RARB: variants seen among roughly 807,000 people sequenced by gnomAD.
The protein encoded by RARB is retinoic acid receptor beta, also known as HBV-activated protein.
Under a neutral mutation model 51.9 loss-of-function variants are expected in RARB, and 17 were observed. The ratio of observed to expected loss-of-function variants is 0.33; its 90% CI spans 0.22 to 0.49. The LOEUF is 0.49. RARB is among the 20% of genes least tolerant of loss of function. The pLI is 0.99. For missense variants in RARB, 369 were observed against 550.8 expected (o/e 0.67, Z 3.30); for synonymous variants, 215 against 195.4 (o/e 1.10, Z -0.84).
At chr3:25,574,613 A>G (rs1042943228) in intron 4 of RARB, among the ~76,000 whole-genome samples, 6 of 152,048 alleles carry the variant, frequency 3.9e-5, no homozygotes, top group Non-Finnish European at 8.8e-5. Flanking sequence ...GCCGCTCATC[A>G]CCAGGTGGGG....
chr3:25,043,009 G>T (rs946256203), intron 2 of RARB, among the ~76,000 whole-genome samples: 1 of 152,198 alleles, frequency 6.6e-6, no homozygotes, highest in African/African-American at 2.4e-5. Flanking sequence ...GAAAGCATAA[G>T]AGCAGTTTTG....
At chr3:25,274,915 G>A (rs13084608) in intron 5 of RARB, among the ~76,000 whole-genome samples, 16,187 of 152,182 alleles carry the variant, frequency 0.11, 1,032 homozygotes, top group South Asian at 0.25. Context: ...CAATGGGGTA[G>A]GGAAATATCC....
At chr3:24,849,998 G>A (rs983292807) in intron 1 of RARB, among the ~76,000 whole-genome samples, 7 of 152,112 alleles carry the variant, frequency 4.6e-5, no homozygotes, top group Admixed American at 1.3e-4. Context: ...GACATTTCTC[G>A]CAGTTCTGAA....
At chr3:24,963,703 G>A (rs1234566840) in intron 2 of RARB, among the ~76,000 whole-genome samples, 2 of 151,784 alleles carry the variant, frequency 1.3e-5, no homozygotes, top group African/African-American at 4.8e-5. Flanking sequence ...AGTGTGGGCC[G>A]AGCATCTCTG....
chr3:25,079,380 C>A (rs1459318620), intron 3 of RARB, among the ~76,000 whole-genome samples: 1 of 152,066 alleles, frequency 6.6e-6, no homozygotes, highest in African/African-American at 2.4e-5. Flanking sequence ...CCTCATTGTG[C>A]CAGACAGAAC....
chr3:25,118,603 A>C (rs868130177), intron 3 of RARB, among the ~76,000 whole-genome samples: 1 of 152,178 alleles, frequency 6.6e-6, no homozygotes, highest in South Asian at 2.1e-4. Flanking sequence ...TGAGAAGTAC[A>C]TGGAGGATAG....
chr3:25,264,982 T>C (rs987988586), intron 5 of RARB, among the ~76,000 whole-genome samples: 6 of 152,306 alleles, frequency 3.9e-5, no homozygotes, highest in African/African-American at 1.4e-4. Flanking sequence ...GTCACACAGA[T>C]AAAGCTCTCA....
chr3:25,265,279 A>G (rs73045999), intron 5 of RARB, among the ~76,000 whole-genome samples: 16,310 of 152,268 alleles, frequency 0.11, 1,125 homozygotes, highest in Non-Finnish European at 0.16. Flanking sequence ...AATTATTTTC[A>G]TGGAATGAGT....
intron 3 of RARB, among the ~76,000 whole-genome samples, chr3:25,068,789 C>G (rs1160291394): frequency 6.6e-6 from 1 of 152,104 alleles, no homozygotes; most frequent in African/African-American, 2.4e-5. Flanking sequence ...TGGCGGCCCT[C>G]CTTTCCCTCC....
At chr3:24,878,859 T>A (rs1489248849) in intron 2 of RARB, among the ~76,000 whole-genome samples, 1 of 152,208 alleles carries the variant, frequency 6.6e-6, no homozygotes. Flanking sequence ...TACTGTCTCC[T>A]GCCTATAGAT....
At chr3:25,450,653 G>T (rs145147169) in intron 1 of RARB, among the ~76,000 whole-genome samples, 2 of 152,156 alleles carry the variant, frequency 1.3e-5, no homozygotes, top group African/African-American at 4.8e-5. Flanking sequence ...GGAGGGGCCT[G>T]TCCTGGGCAT....
upstream of RARB, among the ~76,000 whole-genome samples, chr3:25,426,290 A>G (rs1707983696): frequency 6.6e-6 from 1 of 152,248 alleles, no homozygotes; most frequent in Non-Finnish European, 1.5e-5. Flanking sequence ...ATGGCCATAT[A>G]AAAGAGAGAA....
intron 5 of RARB, among the ~76,000 whole-genome samples, chr3:25,411,975 A>G (rs964927118): frequency 1.8e-4 from 27 of 152,216 alleles, no homozygotes; most frequent in African/African-American, 6.5e-4. Flanking sequence ...GGAAATGGAA[A>G]ACTGCAAGTG....
At position 24,945,993 on chromosome 3, in the gene RARB, C is replaced by T. The variant is rs372473493; in HGVS notation, c.-380+87241C>T. On this transcript the variant is annotated intron_variant, in intron 2 of 11. Transcript: ENST00000383772. ...TTACTTAAGAATCGCTGGCCAGGCG[C>T]GGTGGCTCACGCCTGTAATCGCAGC... is the stretch of plus-strand genomic sequence containing the variant. Among the ~76,000 whole-genome samples, 163 of 152,284 alleles carry T rather than the reference C, an allele frequency of 1.1e-3. 3 individuals carry two copies. The South Asian group carries it at 0.028, about 26-fold the overall frequency.
intron 3 of RARB, among the ~76,000 whole-genome samples, chr3:25,108,177 A>G (rs1699541411): frequency 6.6e-6 from 1 of 152,198 alleles, no homozygotes; most frequent in Non-Finnish European, 1.5e-5. Context: ...TCCACAACTG[A>G]AAATTATAGA....
At chr3:24,968,956 C>G (rs1696335611) in intron 2 of RARB, among the ~76,000 whole-genome samples, 1 of 151,928 alleles carries the variant, frequency 6.6e-6, no homozygotes, top group African/African-American at 2.4e-5. Flanking sequence ...AAGTACTTTT[C>G]TGGGTAATTT....
rs1031728993 is a variant in RARB at position 24,869,658 on chromosome 3, C to G, written c.-380+10906C>G. Among the ~76,000 whole-genome samples the G allele has an allele frequency of 1.8e-4, 28 of 152,090 alleles. 1 individual carries two copies. Among genetic ancestry groups the G allele is most frequent in the Admixed American group, 1.2e-3 (18 of 15,260 alleles). ...ATGTTTAAATATCTGCATAATACTT[C>G]ATCATACAGACATAGCGTAGCACAT... On this transcript the variant is annotated intron_variant, in intron 2 of 11. Coordinates refer to the RARB transcript ENST00000383772.
intron 3 of RARB, among the ~76,000 whole-genome samples, chr3:25,120,117 G>T (rs1033984702): frequency 1.3e-5 from 2 of 152,118 alleles, no homozygotes; most frequent in African/African-American, 4.8e-5. Context: ...TGAAGGACTT[G>T]TGGTCTCAAT....
chr3:25,516,631 C>T (rs1231201669), intron 3 of RARB, among the ~76,000 whole-genome samples: 45 of 131,680 alleles, frequency 3.4e-4, no homozygotes, highest in African/African-American at 1.1e-3. Flanking sequence ...ATTTCCTTGT[C>T]TTTTTTTTTT....
Sources: allele counts gnomAD v4.1 joint callset (sites outside exome capture counted in the v4.1 genomes callset), GRCh38; gene constraint gnomAD v4.1.1; transcripts MANE v1.5; gene names NCBI Gene and HGNC (gene_info 2026-07-23, HGNC 2026-07-21).